ELP4: variants seen among roughly 807,000 people sequenced by gnomAD.
The protein encoded by ELP4 is elongator acetyltransferase complex subunit 4, also known as elongator complex protein 4.
ELP4 carries 51 observed loss-of-function variants against 48.9 expected under a neutral mutation model. That is an observed-to-expected ratio of 1.04 (90% CI 0.83 to 1.32). The LOEUF is 1.32. Ranked by LOEUF, ELP4 falls within the 40% of genes most tolerant of loss-of-function variation. The pLI, the probability that ELP4 is intolerant of heterozygous loss-of-function variation, is 0.00. For synonymous variants in ELP4, 210 were observed against 189.2 expected (o/e 1.11, Z -0.90); for missense variants, 519 against 514.6 (o/e 1.01, Z -0.08).
chr11:31,614,317 T>C (rs544648886), intron 5 of ELP4, among the ~76,000 whole-genome samples: 14 of 152,210 alleles, frequency 9.2e-5, no homozygotes, highest in Admixed American at 4.6e-4. Context: ...GGAAAAGATA[T>C]GCCTGGAACA....
chr11:31,779,847 G>C (rs970643775), intron 9 of ELP4: 3 of 152,124 alleles, frequency 2.0e-5, no homozygotes, highest in African/African-American at 7.2e-5. Flanking sequence ...AAAGTAGGCA[G>C]CCAGCCAGCC....
At chr11:31,757,354 A>C (rs533321813) in intron 9 of ELP4, among the ~76,000 whole-genome samples, 39 of 152,266 alleles carry the variant, frequency 2.6e-4, no homozygotes, top group African/African-American at 8.9e-4. Context: ...ACCTCATTGA[A>C]TTCTTTCCAA....
intron 5 of ELP4, among the ~76,000 whole-genome samples, chr11:31,618,757 A>G (rs755577472): frequency 1.3e-5 from 2 of 152,126 alleles, no homozygotes; most frequent in Non-Finnish European, 2.9e-5. Context: ...TAAAACAGGT[A>G]TGAGATTCCT....
intron 3 of ELP4, among the ~76,000 whole-genome samples, chr11:31,550,531 A>G (rs767255835): frequency 3.9e-5 from 6 of 152,204 alleles, no homozygotes; most frequent in Non-Finnish European, 7.3e-5. Flanking sequence ...CTGGGAATTT[A>G]ACTATGTCAG....
chr11:31,680,864 ACT>A (rs1362652701), intron 9 of ELP4, among the ~76,000 whole-genome samples: 3 of 152,086 alleles, frequency 2.0e-5, no homozygotes, highest in Admixed American at 6.6e-5. Flanking sequence ...TTGAAATAAA[ACT>A]CTGTTACGGA....
At chr11:31,658,402 G>A (rs1945483230) in intron 9 of ELP4, among the ~76,000 whole-genome samples, 1 of 150,770 alleles carries the variant, frequency 6.6e-6, no homozygotes. Context: ...AATACATTAG[G>A]GTGATGATAT....
At chr11:31,688,986 G>C (rs959902502) in intron 9 of ELP4, among the ~76,000 whole-genome samples, 1 of 152,146 alleles carries the variant, frequency 6.6e-6, no homozygotes, top group Admixed American at 6.5e-5. Context: ...CTTTGTCATT[G>C]AGTGGAATGC....
At chr11:31,580,301 T>G (rs746622031) in intron 3 of ELP4, among the ~76,000 whole-genome samples, 22 of 152,200 alleles carry the variant, frequency 1.4e-4, no homozygotes, top group Non-Finnish European at 2.6e-4. Flanking sequence ...ATAAATTTAG[T>G]ATACTCTTTG....
chr11:31,754,829 G>A (rs1396551680), intron 9 of ELP4, among the ~76,000 whole-genome samples: 1 of 152,132 alleles, frequency 6.6e-6, no homozygotes, highest in Non-Finnish European at 1.5e-5. Context: ...CCAAGATCAC[G>A]CCATTATACT....
At chr11:31,516,118 A>T (rs1282572240) in intron 1 of ELP4, among the ~76,000 whole-genome samples, 2 of 152,204 alleles carry the variant, frequency 1.3e-5, no homozygotes, top group African/African-American at 4.8e-5. Context: ...GTCTCAAAAA[A>T]TAAAAAATCT....
At chr11:31,674,391 A>AT (rs1945873921) in intron 9 of ELP4, among the ~76,000 whole-genome samples, 1 of 152,236 alleles carries the variant, frequency 6.6e-6, no homozygotes, top group Non-Finnish European at 1.5e-5. Flanking sequence ...AATTGCTTGC[A>AT]TGCCATTGGC....
At chr11:31,539,607 C>T in intron 2 of ELP4, 55 bp from the exon 3 acceptor site, 1 of 1,524,480 alleles carries the variant, frequency 6.6e-7, no homozygotes, top group Non-Finnish European at 8.8e-7. Flanking sequence ...TGTTTGATAG[C>T]CATTTGATTC....
intron 9 of ELP4, among the ~76,000 whole-genome samples, chr11:31,781,549 A>G (rs745928330): frequency 1.8e-5 from 2 of 112,710 alleles, no homozygotes; most frequent in South Asian, 6.5e-4. Flanking sequence ...GCCAGACTGG[A>G]GTGCTGTGGC....
chr11:31,764,920 AT>A (rs1948012311), intron 9 of ELP4, among the ~76,000 whole-genome samples: 1 of 152,192 alleles, frequency 6.6e-6, no homozygotes, highest in South Asian at 2.1e-4. Flanking sequence ...GTTTTAGTCC[AT>A]TTCTGAAACT....
chr11:31,697,489 A>C (rs954950796), intron 9 of ELP4, among the ~76,000 whole-genome samples: 3 of 152,110 alleles, frequency 2.0e-5, no homozygotes, highest in Non-Finnish European at 4.4e-5. Context: ...CTAAAATTCT[A>C]GGTCCCAAGA....
intron 3 of ELP4, among the ~76,000 whole-genome samples, chr11:31,557,019 A>G (rs1283229186): frequency 2.0e-5 from 3 of 151,960 alleles, no homozygotes; most frequent in African/African-American, 7.2e-5. Context: ...TTGAAAATGA[A>G]TACTCACTTT....
At chr11:31,735,234 A>G (rs1947283014) in intron 9 of ELP4, among the ~76,000 whole-genome samples, 1 of 152,074 alleles carries the variant, frequency 6.6e-6, no homozygotes, top group African/African-American at 2.4e-5. Context: ...TAAACTCAAA[A>G]TGGATTAAAG....
chr11:31,548,507 T>C (rs372876244), intron 3 of ELP4, among the ~76,000 whole-genome samples: 44 of 151,868 alleles, frequency 2.9e-4, no homozygotes, highest in African/African-American at 8.5e-4. Context: ...AATGGAAGAA[T>C]ATTCCATGCT....
chr11:31,669,432 A>G (rs557821212), intron 9 of ELP4, among the ~76,000 whole-genome samples: 3 of 152,176 alleles, frequency 2.0e-5, no homozygotes, highest in African/African-American at 7.2e-5. Flanking sequence ...CAATAGATCA[A>G]TCTTGCTCTT....
Sources: allele counts gnomAD v4.1 joint callset (sites outside exome capture counted in the v4.1 genomes callset), GRCh38; gene constraint gnomAD v4.1.1; transcripts MANE v1.5; gene names NCBI Gene and HGNC (gene_info 2026-07-23, HGNC 2026-07-21).